Variants in NEBL observed in about 807,000 individuals in gnomAD.
NEBL encodes the protein nebulette.
Under a neutral mutation model 140.2 loss-of-function variants are expected in NEBL, and 122 were observed. That is an observed-to-expected ratio of 0.87 (90% CI 0.75 to 1.01). NEBL has a LOEUF of 1.01. NEBL is among the 50% of genes least tolerant of loss of function. NEBL has a pLI of 0.00. For synonymous variants in NEBL, 436 were observed against 398.9 expected (o/e 1.09, Z -1.11); for missense variants, 1,365 against 1,231.3 (o/e 1.11, Z -1.62).
intron 2 of NEBL, among the ~76,000 whole-genome samples, chr10:21,052,235 G>A (rs763749384): frequency 6.6e-6 from 1 of 152,178 alleles, no homozygotes; most frequent in Non-Finnish European, 1.5e-5. Flanking sequence ...AGATGGCCAG[G>A]CTCATCTGTC....
At chr10:20,831,142 A>T in intron 16 of NEBL, 54 bp downstream of exon 16, 1 of 1,222,540 alleles carries the variant, frequency 8.2e-7, no homozygotes, top group Non-Finnish European at 1.2e-6. Flanking sequence ...TACAAAGCAC[A>T]TGGCAACATG....
At chr10:20,833,825 C>G (rs1233872714) in intron 14 of NEBL, among the ~76,000 whole-genome samples, 2 of 151,732 alleles carry the variant, frequency 1.3e-5, no homozygotes, top group African/African-American at 4.8e-5. Flanking sequence ...GGTTAGGAAG[C>G]TATGGCAATG....
chr10:21,023,590 G>C (rs1838889136), intron 2 of NEBL, among the ~76,000 whole-genome samples: 1 of 152,128 alleles, frequency 6.6e-6, no homozygotes, highest in African/African-American at 2.4e-5. Context: ...AGCTACTTGG[G>C]AGGCTGAGGC....
intron 4 of NEBL, among the ~76,000 whole-genome samples, chr10:20,914,983 T>TTTTTTTTTTTTGGG: frequency 1.3e-5 from 2 of 149,140 alleles, no homozygotes; most frequent in East Asian, 2.0e-4. Context: ...TTTTTTTTTT[T>TTTTTTTTTTTTGGG]GGAGAGATGG....
chr10:21,215,716 A>C (rs775429026), intron 3 of NEBL, among the ~76,000 whole-genome samples: 17 of 152,176 alleles, frequency 1.1e-4, no homozygotes, highest in Non-Finnish European at 2.4e-4. Context: ...TCTGGAACGC[A>C]GTAGCACAAT....
chr10:21,158,391 C>T (rs1340760156), intron 2 of NEBL, among the ~76,000 whole-genome samples: 1 of 152,148 alleles, frequency 6.6e-6, no homozygotes, highest in Non-Finnish European at 1.5e-5. Flanking sequence ...CATAGATTAT[C>T]TTATTTATCC....
At position 21,231,548 on chromosome 10, in the gene NEBL, C is replaced by CAAGAA. The variant is rs530566232; in HGVS notation, n.348+16368_348+16372dup. Among the ~76,000 whole-genome samples the CAAGAA allele has an allele frequency of 2.1e-4, 31 of 148,462 alleles. No homozygotes were observed. In the South Asian group the frequency reaches 2.3e-3, roughly 11 times the overall value. On this transcript the variant is annotated intron_variant and non_coding_transcript_variant, in intron 3 of 8. Transcript: ENST00000675702. ...AGCGAGACTCTGTCTCAAAAAAAAACAAGAAAAGAAAAGAAAAGAAAAAGA... is the reference window on the plus strand; with the variant it reads ...AGCGAGACTCTGTCTCAAAAAAAAACAAGAAAAGAAAAGAAAAGAAAAGAAAAAGA...
chr10:21,013,611 C>T (rs1383688125), intron 3 of NEBL, among the ~76,000 whole-genome samples: 3 of 152,218 alleles, frequency 2.0e-5, no homozygotes, highest in Non-Finnish European at 4.4e-5. Flanking sequence ...GGCGCAGTGG[C>T]TCACGCCTGT....
At position 21,272,966 on chromosome 10, in the gene NEBL, G is replaced by T. The variant is rs369081405; in HGVS notation, n.182+19864C>A. On this transcript the variant is annotated intron_variant and non_coding_transcript_variant, in intron 1 of 8. Coordinates refer to the NEBL transcript ENST00000675702. ...CTTCTTGGATGTACAGAATAGACAA[G>T]GCTCCTTCTTACTCTGCCACCCCGC... Among the ~76,000 whole-genome samples, 11 of 152,226 alleles carry T rather than the reference G, an allele frequency of 7.2e-5. No individual in the cohort carries two copies. In the East Asian group the frequency reaches 2.1e-3, roughly 29 times the overall value.
chr10:21,078,170 A>T (rs564977871), intron 2 of NEBL, among the ~76,000 whole-genome samples: 1 of 152,344 alleles, frequency 6.6e-6, no homozygotes, highest in African/African-American at 2.4e-5. Context: ...ACCTCAAATT[A>T]GTCCTAAAAT....
intron 3 of NEBL, among the ~76,000 whole-genome samples, chr10:21,019,039 C>G (rs908717371): frequency 6.6e-6 from 1 of 152,084 alleles, no homozygotes; most frequent in Non-Finnish European, 1.5e-5. Context: ...CACCCCTCCC[C>G]CCAGAAAAAG....
chr10:20,981,164 C>T (rs145614525), intron 3 of NEBL, among the ~76,000 whole-genome samples: 92 of 152,228 alleles, frequency 6.0e-4, no homozygotes, highest in East Asian at 1.4e-3. Context: ...TGTCTTACAA[C>T]GTAGTACCTG....
chr10:20,792,576 C>G (rs904054055), intron 26 of NEBL, among the ~76,000 whole-genome samples: 1 of 151,986 alleles, frequency 6.6e-6, no homozygotes, highest in Non-Finnish European at 1.5e-5. Context: ...CCGAGGCAGG[C>G]AGATTGCTTG....
At chr10:20,885,841 A>G (rs1252998527) in intron 4 of NEBL, among the ~76,000 whole-genome samples, 2 of 152,208 alleles carry the variant, frequency 1.3e-5, no homozygotes, top group Non-Finnish European at 2.9e-5. Flanking sequence ...ATTGGCAGGA[A>G]AAATAAAGGG....
At chr10:21,189,756 C>G (rs191355306) in intron 3 of NEBL, among the ~76,000 whole-genome samples, 27 of 152,304 alleles carry the variant, frequency 1.8e-4, no homozygotes, top group African/African-American at 5.8e-4. Flanking sequence ...CATGAGCCAC[C>G]GCGCCTGGCC....
chr10:20,983,657 T>C (rs1837141076), intron 3 of NEBL, among the ~76,000 whole-genome samples: 1 of 152,214 alleles, frequency 6.6e-6, no homozygotes, highest in Non-Finnish European at 1.5e-5. Context: ...TTAAAGTAAT[T>C]GGTGTGTCCA....
At chr10:21,275,972 T>TC (rs1842918898) in intron 1 of NEBL, among the ~76,000 whole-genome samples, 2 of 148,088 alleles carry the variant, frequency 1.4e-5, no homozygotes, top group South Asian at 4.3e-4. Context: ...CCCTTTCTTT[T>TC]TTTTTTTTTT....
chr10:21,073,544 G>A (rs1835916115), intron 2 of NEBL, among the ~76,000 whole-genome samples: 1 of 151,052 alleles, frequency 6.6e-6, no homozygotes, highest in Non-Finnish European at 1.5e-5. Flanking sequence ...TTGAACCTGG[G>A]AGGTGGAGGT....
At chr10:20,946,298 A>G (rs1229696640) in intron 4 of NEBL, among the ~76,000 whole-genome samples, 1 of 152,204 alleles carries the variant, frequency 6.6e-6, no homozygotes, top group Non-Finnish European at 1.5e-5. Context: ...GGAGCTCACT[A>G]TGAAAATCTA....
Sources: allele counts gnomAD v4.1 joint callset (sites outside exome capture counted in the v4.1 genomes callset), GRCh38; gene constraint gnomAD v4.1.1; transcripts MANE v1.5; gene names NCBI Gene and HGNC (gene_info 2026-07-23, HGNC 2026-07-21).